HECW1: variants seen among roughly 807,000 people sequenced by gnomAD.
HECW1 encodes E3 ubiquitin-protein ligase HECW1.
In HECW1, 61 loss-of-function variants were observed where a neutral mutation model predicts 182.3. The ratio of observed to expected loss-of-function variants is 0.33; its 90% CI spans 0.27 to 0.41. The LOEUF is 0.41. Ranked by LOEUF, HECW1 falls within the 10% of genes least tolerant of loss-of-function variation. The probability of loss-of-function intolerance (pLI) is 1.00; values close to 1 mark genes in which losing one functional copy is unlikely to be tolerated. For missense variants in HECW1, 1,739 were observed against 2,108.9 expected, an observed-to-expected ratio of 0.82 and a Z score of 3.44; for synonymous variants, 859 against 832.6, an observed-to-expected ratio of 1.03 and a Z score of -0.55.
chr7:43,264,810 C>G (rs1275967084), intron 3 of HECW1, among the ~76,000 whole-genome samples: 1 of 148,008 alleles, frequency 6.8e-6, no homozygotes, highest in Non-Finnish European at 1.5e-5. Flanking sequence ...CACCACTGCA[C>G]TCCAGCCCGG....
intron 3 of HECW1, among the ~76,000 whole-genome samples, chr7:43,276,873 T>C (rs535415688): frequency 6.6e-6 from 1 of 152,374 alleles, no homozygotes; most frequent in South Asian, 2.1e-4. Context: ...CCATACAGAA[T>C]GCTCTGCAAC....
At chr7:43,118,337 C>T (rs927297713) in intron 2 of HECW1, 4 of 152,564 alleles carry the variant, frequency 2.6e-5, no homozygotes, top group African/African-American at 9.7e-5. Context: ...CCTGCTTTTG[C>T]TTTTGCTTTG....
chr7:43,134,309 G>A (rs955501608), intron 2 of HECW1, among the ~76,000 whole-genome samples: 2 of 139,636 alleles, frequency 1.4e-5, no homozygotes, highest in Non-Finnish European at 3.0e-5. Context: ...CAGAAGAACC[G>A]CTTGAACCCG....
chr7:43,553,929 CAT>C (rs1470269975), intron 28 of HECW1, among the ~76,000 whole-genome samples: 6 of 152,224 alleles, frequency 3.9e-5, no homozygotes, highest in Non-Finnish European at 7.3e-5. Context: ...CCTTGGCACA[CAT>C]AGATTTCTCC....
At chr7:43,166,176 T>G (rs1400093446) in intron 2 of HECW1, among the ~76,000 whole-genome samples, 1 of 152,152 alleles carries the variant, frequency 6.6e-6, no homozygotes, top group Non-Finnish European at 1.5e-5. Context: ...CTCTGCCTCC[T>G]GGGTTCAAGC....
At chr7:43,289,609 A>G (rs1374741189) in intron 3 of HECW1, among the ~76,000 whole-genome samples, 1 of 152,260 alleles carries the variant, frequency 6.6e-6, no homozygotes, top group East Asian at 1.9e-4. Flanking sequence ...GATCAGGCAT[A>G]TGCCCATTGG....
chr7:43,435,486 C>A (rs545328164), intron 8 of HECW1, among the ~76,000 whole-genome samples: 6 of 152,322 alleles, frequency 3.9e-5, no homozygotes, highest in Admixed American at 1.3e-4. Context: ...AGACGTACCA[C>A]ATGGTCACTG....
chr7:43,205,859 T>C (rs186704163), intron 2 of HECW1, among the ~76,000 whole-genome samples: 1 of 152,244 alleles, frequency 6.6e-6, no homozygotes, highest in Non-Finnish European at 1.5e-5. Context: ...GTTGGATGAT[T>C]TGTGGTCCAC....
At chr7:43,462,257 A>C (rs891799448) in intron 13 of HECW1, among the ~76,000 whole-genome samples, 3 of 151,964 alleles carry the variant, frequency 2.0e-5, no homozygotes, top group African/African-American at 7.3e-5. Flanking sequence ...TCTCCAGGAA[A>C]GTCTCCAGCC....
intron 2 of HECW1, among the ~76,000 whole-genome samples, chr7:43,184,768 C>T (rs967927785): frequency 3.9e-5 from 6 of 152,148 alleles, no homozygotes; most frequent in Non-Finnish European, 8.8e-5. Flanking sequence ...GTTTAGTTGG[C>T]TCATGGTTCT....
intron 6 of HECW1, among the ~76,000 whole-genome samples, chr7:43,364,440 C>T (rs948112425): frequency 1.3e-5 from 2 of 152,344 alleles, no homozygotes; most frequent in South Asian, 2.1e-4. Flanking sequence ...TGAGAACTCA[C>T]GGTTACTCCA....
At chr7:43,195,474 G>A (rs972442572) in intron 2 of HECW1, among the ~76,000 whole-genome samples, 1 of 152,112 alleles carries the variant, frequency 6.6e-6, no homozygotes, top group Non-Finnish European at 1.5e-5. Flanking sequence ...TAACTTGAAC[G>A]ACCAGTAGCC....
chr7:43,235,446 G>A (rs1798245825), intron 2 of HECW1, among the ~76,000 whole-genome samples: 1 of 152,174 alleles, frequency 6.6e-6, no homozygotes, highest in Non-Finnish European at 1.5e-5. Flanking sequence ...GAATAAGAGA[G>A]GCATCCTTGG....
intron 3 of HECW1, among the ~76,000 whole-genome samples, chr7:43,294,273 T>G (rs1224861334): frequency 6.6e-6 from 1 of 152,196 alleles, no homozygotes; most frequent in Admixed American, 6.5e-5. Flanking sequence ...CTAACTGGCT[T>G]TAAGAGCAAC....
chr7:43,451,340 T>C (rs2077229157), intron 12 of HECW1, among the ~76,000 whole-genome samples: 1 of 152,226 alleles, frequency 6.6e-6, no homozygotes, highest in Non-Finnish European at 1.5e-5. Context: ...TCTCCATATG[T>C]TAAAACAACT....
intron 3 of HECW1, among the ~76,000 whole-genome samples, chr7:43,293,213 A>G (rs371194669): frequency 1.5e-3 from 168 of 114,390 alleles, no homozygotes; most frequent in Non-Finnish European, 2.4e-3. Flanking sequence ...CAGCGAGACT[A>G]TGTCTCAAAA....
At chr7:43,326,336 G>T in intron 5 of HECW1, among the ~76,000 whole-genome samples, 1 of 152,198 alleles carries the variant, frequency 6.6e-6, no homozygotes, top group Non-Finnish European at 1.5e-5. Flanking sequence ...GGGGCTGTCG[G>T]GATCTGCCTC....
intron 26 of HECW1, among the ~76,000 whole-genome samples, chr7:43,543,507 G>A (rs1291409245): frequency 1.3e-5 from 2 of 152,210 alleles, no homozygotes; most frequent in South Asian, 2.1e-4. Context: ...GGCTGGGCAC[G>A]GTGGCTCACG....
At chr7:43,495,229 C>T (rs1215434721) in intron 19 of HECW1, among the ~76,000 whole-genome samples, 3 of 152,154 alleles carry the variant, frequency 2.0e-5, no homozygotes, top group African/African-American at 7.2e-5. Flanking sequence ...CCGTCATCTA[C>T]ATTAGGTATT....
Sources: allele counts gnomAD v4.1 joint callset (sites outside exome capture counted in the v4.1 genomes callset), GRCh38; gene constraint gnomAD v4.1.1; transcripts MANE v1.5; gene names NCBI Gene and HGNC (gene_info 2026-07-23, HGNC 2026-07-21).